The following EPHA5 variants were observed in gnomAD, a reference collection of about 807,000 sequenced individuals.
EPHA5 encodes the protein ephrin type-A receptor 5.
Under a neutral mutation model 105.0 loss-of-function variants are expected in EPHA5, and 60 were observed. The observed-to-expected ratio is 0.57, with a 90% CI of 0.46 to 0.71. The LOEUF is 0.71. Ranked by LOEUF, EPHA5 falls within the 30% of genes least tolerant of loss-of-function variation. The probability of loss-of-function intolerance (pLI) is 0.00; values close to 1 mark genes in which losing one functional copy is unlikely to be tolerated. For missense variants in EPHA5, 1,218 were observed against 1,274.7 expected (o/e 0.96, Z 0.68); for synonymous variants, 513 against 449.1 (o/e 1.14, Z -1.80).
intron 5 of EPHA5, among the ~76,000 whole-genome samples, chr4:65,425,464 C>CT (rs1724340654): frequency 6.6e-6 from 1 of 152,036 alleles, no homozygotes. Context: ...TTAGGCTTCT[C>CT]TCCAGAAAAT....
intron 3 of EPHA5, among the ~76,000 whole-genome samples, chr4:65,541,442 G>T (rs1337307196): frequency 6.6e-6 from 1 of 151,762 alleles, no homozygotes; most frequent in Non-Finnish European, 1.5e-5. Flanking sequence ...AAAAGCAGGG[G>T]CTGCAATCCT....
chr4:65,441,736 T>TA (rs1272429085), intron 5 of EPHA5, among the ~76,000 whole-genome samples: 2 of 151,750 alleles, frequency 1.3e-5, no homozygotes, highest in African/African-American at 4.8e-5. Context: ...AACATATTAA[T>TA]AAAAAAATGG....
At chr4:65,634,740 G>A (rs912566598) in intron 2 of EPHA5, among the ~76,000 whole-genome samples, 1 of 151,558 alleles carries the variant, frequency 6.6e-6, no homozygotes, top group Non-Finnish European at 1.5e-5. Context: ...ATCCACTAAT[G>A]TGCTCTTTTT....
At chr4:65,377,000 T>C in intron 8 of EPHA5, 2 of 1,607,064 alleles carry the variant, frequency 1.2e-6, no homozygotes, top group African/African-American at 1.3e-5. Context: ...ACACTAACCA[T>C]ATTAGGCTTG....
At chr4:65,449,111 A>C (rs1726835556) in intron 5 of EPHA5, among the ~76,000 whole-genome samples, 2 of 152,170 alleles carry the variant, frequency 1.3e-5, no homozygotes, top group Non-Finnish European at 2.9e-5. Flanking sequence ...GGTTAAAAAC[A>C]ATAAAAATTA....
chr4:65,475,571 G>C (rs1307202844), intron 5 of EPHA5, among the ~76,000 whole-genome samples: 1 of 152,038 alleles, frequency 6.6e-6, no homozygotes, highest in Non-Finnish European at 1.5e-5. Flanking sequence ...GTAATAAAGG[G>C]GAGTGAAACC....
chr4:65,439,466 G>A (rs1193087779), intron 5 of EPHA5, among the ~76,000 whole-genome samples: 1 of 147,290 alleles, frequency 6.8e-6, no homozygotes, highest in Non-Finnish European at 1.5e-5. Flanking sequence ...CCTGCTTTGG[G>A]ATACCAAGTA....
chr4:65,400,405 G>C (rs551389527), intron 8 of EPHA5, among the ~76,000 whole-genome samples: 1 of 152,158 alleles, frequency 6.6e-6, no homozygotes, highest in Non-Finnish European at 1.5e-5. Context: ...ACAGTGAAGA[G>C]AGTCTGAACC....
Position 65,637,127 on chromosome 4 carries a change from T to G in EPHA5, c.246+6236A>C, listed in dbSNP as rs929068856. ...TACTGTCTGTCACATATGTAACAGT[T>G]GAAAAATACATATGGATGCCAAAAT... is the stretch of plus-strand genomic sequence containing the variant. On this transcript the variant is annotated intron_variant, in intron 2 of 16. Coordinates refer to ENST00000613740, the MANE Select transcript of EPHA5 (RefSeq NM_001281766.3). Among the ~76,000 whole-genome samples, 5 of 151,750 alleles carry G rather than the reference T, an allele frequency of 3.3e-5. No individual in the cohort carries two copies. The South Asian group carries it at 1.0e-3, about 32-fold the overall frequency.
intron 13 of EPHA5, among the ~76,000 whole-genome samples, chr4:65,350,455 A>G (rs916154546): frequency 6.6e-6 from 1 of 152,130 alleles, no homozygotes; most frequent in Admixed American, 6.6e-5. Context: ...AAATATGAAA[A>G]CATGCATATT....
At chr4:65,595,700 C>A (rs912124483) in intron 3 of EPHA5, among the ~76,000 whole-genome samples, 9 of 151,970 alleles carry the variant, frequency 5.9e-5, no homozygotes, top group African/African-American at 1.7e-4. Flanking sequence ...CCTGCCTCAA[C>A]CTCCCGAGTA....
chr4:65,493,604 A>T lies in EPHA5; in HGVS notation c.1066+1784T>A, dbSNP rs73822179. On this transcript the variant is annotated intron_variant, in intron 4 of 16. Coordinates refer to ENST00000613740, the MANE Select transcript of EPHA5 (RefSeq NM_001281766.3). ...ACATAAGTCCTAATTTTTTAAATTT[A>T]ATTTTATTTTACTTTTAGAAATGCA... 7.5e-3 allele frequency among the ~76,000 whole-genome samples: 1,141 copies of T among 152,234 alleles called. 14 individuals carry two copies. Among genetic ancestry groups the T allele is most frequent in the African/African-American group, 0.026 (1,071 of 41,554 alleles).
intron 5 of EPHA5, among the ~76,000 whole-genome samples, chr4:65,461,126 A>G (rs1728083246): frequency 6.6e-6 from 1 of 151,908 alleles, no homozygotes; most frequent in African/African-American, 2.4e-5. Flanking sequence ...ATCTGTCTTC[A>G]CCTAACAACA....
chr4:65,355,984 A>G (rs1426736775), intron 11 of EPHA5, among the ~76,000 whole-genome samples: 1 of 151,428 alleles, frequency 6.6e-6, no homozygotes, highest in Admixed American at 6.6e-5. Flanking sequence ...TCATTTACAG[A>G]AATCTATTGA....
intron 2 of EPHA5, among the ~76,000 whole-genome samples, chr4:65,628,418 C>A (rs540200968): frequency 6.6e-6 from 1 of 152,202 alleles, no homozygotes; most frequent in South Asian, 2.1e-4. Flanking sequence ...TATCTGATGA[C>A]ATGACAGCTA....
At chr4:65,535,741 T>C (rs916781625) in intron 3 of EPHA5, among the ~76,000 whole-genome samples, 1 of 151,986 alleles carries the variant, frequency 6.6e-6, no homozygotes, top group Non-Finnish European at 1.5e-5. Flanking sequence ...ATGTACATTA[T>C]ATACAAGAGA....
intron 5 of EPHA5, among the ~76,000 whole-genome samples, chr4:65,441,772 A>G (rs1441147631): frequency 6.6e-6 from 1 of 152,170 alleles, no homozygotes; most frequent in African/African-American, 2.4e-5. Context: ...AATTGAAGGT[A>G]TCAGAAAAAA....
At chr4:65,483,685 A>AT (rs1458560921) in intron 5 of EPHA5, among the ~76,000 whole-genome samples, 3 of 152,028 alleles carry the variant, frequency 2.0e-5, no homozygotes, top group Non-Finnish European at 2.9e-5. Context: ...GATGAATGAG[A>AT]TTTTTGTCTT....
intron 8 of EPHA5, among the ~76,000 whole-genome samples, chr4:65,395,183 A>G (rs570457451): frequency 6.6e-6 from 1 of 152,328 alleles, no homozygotes; most frequent in Non-Finnish European, 1.5e-5. Context: ...GATTCAGACT[A>G]ACTGAAAAGT....
Sources: gnomAD v4.1 joint callset for allele counts (sites outside exome capture counted in the v4.1 genomes callset) on GRCh38, gnomAD v4.1.1 for gene constraint, MANE v1.5 for transcripts, NCBI Gene and HGNC (gene_info 2026-07-23, HGNC 2026-07-21) for gene names.